Variants in RIOK2 observed in about 807,000 individuals in gnomAD.
RIOK2 encodes RIO kinase 2.
A neutral mutation model predicts 62.4 loss-of-function variants in RIOK2; 46 were observed. The observed-to-expected ratio is 0.74, with a 90% CI of 0.58 to 0.94. RIOK2 has a LOEUF of 0.94. Ranked by LOEUF, RIOK2 falls within the 40% of genes least tolerant of loss-of-function variation. The probability of loss-of-function intolerance (pLI) is 0.00; values close to 1 mark genes in which losing one functional copy is unlikely to be tolerated. For missense variants in RIOK2, 574 were observed against 658.0 expected (o/e 0.87, Z 1.40); for synonymous variants, 197 against 216.0 (o/e 0.91, Z 0.77).
At chr5:97,181,270 CA>C (rs149948595) in intron 1 of RIOK2, among the ~76,000 whole-genome samples, 233 of 90,488 alleles carry the variant, frequency 2.6e-3, no homozygotes, top group East Asian at 5.4e-3. Context: ...GACTCCGTCT[CA>C]AAAAAAAAAA....
intron 1 of RIOK2, 136 bp downstream of exon 1, chr5:97,182,990 T>C (rs750499012): frequency 2.2e-6 from 2 of 927,542 alleles, no homozygotes; most frequent in Non-Finnish European, 3.6e-6. Flanking sequence ...TTCTGAATGC[T>C]CTCTTCTCCA....
intron 5 of RIOK2, among the ~76,000 whole-genome samples, chr5:97,172,055 T>C (rs1749023711): frequency 6.6e-6 from 1 of 152,204 alleles, no homozygotes; most frequent in Admixed American, 6.5e-5. Flanking sequence ...TCACAGATCA[T>C]ACCTTCTTAG....
At chr5:97,167,070 C>T (rs529687314) in intron 8 of RIOK2, 28 of 472,940 alleles carry the variant, frequency 5.9e-5, no homozygotes, top group African/African-American at 4.0e-4. Flanking sequence ...GCACAGGCCA[C>T]CATGCCCGGT....
chr5:97,183,116 G>A lies in RIOK2; in HGVS notation c.66+10C>T, dbSNP rs1235441152. 2 of 1,613,914 alleles carry A rather than the reference G, an allele frequency of 1.2e-6. No homozygotes were observed. The highest frequency in any genetic ancestry group is 1.3e-5 in the African/African-American group (1 of 74,912). On this transcript the variant is annotated intron_variant, in intron 1 of 9. Transcript: ENST00000283109. ...AGGGGAAGGGAGAACAGGAACGGCG[G>A]GTTTCTTACCGCGGTCAAGACCCTG...
chr5:97,180,899 T>A (rs901795843), intron 1 of RIOK2, among the ~76,000 whole-genome samples: 1 of 151,964 alleles, frequency 6.6e-6, no homozygotes, highest in Admixed American at 6.6e-5. Context: ...TTTTTTTTTT[T>A]ATAGAGCTTG....
rs1211174785 is a variant in RIOK2 at position 97,165,167 on chromosome 5, A to C, written c.1398-20T>G. 7 of 1,234,650 alleles carry C rather than the reference A, an allele frequency of 5.7e-6. No individual in the cohort carries two copies. The Admixed American group carries it at 1.9e-4, about 34-fold the overall frequency. The allele number at this position is 1,234,650 out of a possible 1,614,324, so 76.5% of individuals were successfully genotyped here. A position where few individuals can be genotyped will look rare whatever the true frequency, so the allele number is the denominator to read the frequency against. ...TCATCTCTAAAATTAAAAAACCCACAATTTATCTAGTTAATTTGTATAATG... is the reference window on the plus strand; with the variant it reads ...TCATCTCTAAAATTAAAAAACCCACCATTTATCTAGTTAATTTGTATAATG... On this transcript the variant is annotated intron_variant, in intron 8 of 9. Coordinates refer to ENST00000283109, the MANE Select transcript of RIOK2 (RefSeq NM_018343.3).
intron 6 of RIOK2, among the ~76,000 whole-genome samples, chr5:97,170,198 G>GA (rs544188328): frequency 2.7e-5 from 4 of 150,676 alleles, no homozygotes; most frequent in South Asian, 2.1e-4. Context: ...GGAACAGAAA[G>GA]AAAAAAAAAT....
intron 4 of RIOK2, among the ~76,000 whole-genome samples, chr5:97,175,321 C>T (rs1160699394): frequency 1.3e-5 from 2 of 152,122 alleles, no homozygotes; most frequent in African/African-American, 4.8e-5. Context: ...CATACCTAGA[C>T]AGATCAATAG....
At position 97,171,241 on chromosome 5, in the gene RIOK2, T is replaced by C. The variant is rs1325252173; in HGVS notation, c.744A>G (p.Pro248=). The C allele has an allele frequency of 6.3e-7, 1 of 1,591,226 alleles. No homozygotes were observed. The highest frequency in any genetic ancestry group is 1.1e-5 in the South Asian group (1 of 87,210). ...TGGGATGAGAAGTTGAAACCATCTGTGGAAAATCAATCATGGTGATATGGT... is the reference window on the plus strand; with the variant it reads ...TGGGATGAGAAGTTGAAACCATCTGCGGAAAATCAATCATGGTGATATGGT... ...ESDHITMIDF[P]QMVSTSHPNA... Residue 248 remains proline, a synonymous_variant, in exon 6 of 10, where the codon CCA becomes CCG. Transcript: ENST00000283109.
chr5:97,162,938 GATGA>G lies in RIOK2; in HGVS notation c.*119_*122del. 1.2e-6 allele frequency: 1 copy of G among 809,234 alleles called. No individual in the cohort carries two copies. Among genetic ancestry groups the G allele is most frequent in the Non-Finnish European group, 1.9e-6 (1 of 534,324 alleles). 50.1% of individuals were successfully genotyped at this position (809,234 alleles called of 1,614,324 possible). A position where few individuals can be genotyped will look rare whatever the true frequency, so the allele number is the denominator to read the frequency against. ...CACATACTGAATGACCAAATTTATA[GATGA>G]AAGAGGGTTTATTTATTAATATATG... On this transcript the variant is annotated 3_prime_UTR_variant, in exon 10 of 10. Transcript: ENST00000283109.
Position 97,183,194 on chromosome 5 carries a change from C to G in RIOK2, c.-3G>C. The G allele has an allele frequency of 6.2e-7, 1 of 1,614,146 alleles. No homozygotes were observed. The highest frequency in any genetic ancestry group is 8.5e-7 in the Non-Finnish European group (1 of 1,179,976). ...TTGGCCACATTCACTTTCCCCATGG[C>G]GGCCCCAGTCCGAACCCAGATGCCT... On this transcript the variant is annotated 5_prime_UTR_variant, in exon 1 of 10. Transcript: ENST00000283109.
chr5:97,172,762 A>G (rs1462860757), intron 5 of RIOK2, among the ~76,000 whole-genome samples: 1 of 152,116 alleles, frequency 6.6e-6, no homozygotes, highest in Non-Finnish European at 1.5e-5. Flanking sequence ...CCTACATAAA[A>G]CAGTAGTCTC....
intron 2 of RIOK2, among the ~76,000 whole-genome samples, chr5:97,178,569 G>A (rs575582238): frequency 7.0e-5 from 10 of 143,000 alleles, no homozygotes; most frequent in African/African-American, 2.4e-4. Context: ...CAGTACCTAC[G>A]TGCTCTTCTG....
Position 97,161,254 on chromosome 5 carries a change from A to G in RIOK2, c.*1807T>C, listed in dbSNP as rs1580261891. 1 of 152,202 alleles carries G rather than the reference A, an allele frequency of 6.6e-6. No individual in the cohort carries two copies. Among genetic ancestry groups the G allele is most frequent in the East Asian group, 1.9e-4 (1 of 5,202 alleles). The allele number at this position is 152,202 out of a possible 1,614,324, so 9.4% of individuals were successfully genotyped here. A position where few individuals can be genotyped will look rare whatever the true frequency, so the allele number is the denominator to read the frequency against. Reference sequence around the variant, plus strand: ...ATTTAAATCTGGAACTCCTAGGCAAAAAAAAGTGTTTTAACAATCACAATA... The same window carrying G: ...ATTTAAATCTGGAACTCCTAGGCAAGAAAAAGTGTTTTAACAATCACAATA... On this transcript the variant is annotated 3_prime_UTR_variant, in exon 10 of 10. Coordinates refer to ENST00000283109, the MANE Select transcript of RIOK2 (RefSeq NM_018343.3).
rs773549498 is a variant in RIOK2 at position 97,177,743 on chromosome 5, C to T, written c.311G>A (p.Gly104Asp). 17 of 1,599,618 alleles carry T rather than the reference C, an allele frequency of 1.1e-5. No individual in the cohort carries two copies. Among genetic ancestry groups the T allele is most frequent in the Non-Finnish European group, 1.5e-5 (17 of 1,167,406 alleles). Residue 104 changes from glycine (G) to aspartate (D), a missense_variant, in exon 3 of 10, where the codon GGC (glycine) becomes GAC (aspartate). Coordinates refer to ENST00000283109, the MANE Select transcript of RIOK2 (RefSeq NM_018343.3). ...CTATTAGCACTTACCTGATTCTTTG[C>T]CAACACCCATCTGGTTTCCAACAGA... ...VESVGNQMGV[G>D]KESDIYIVAN...
intron 5 of RIOK2, 123 bp from the exon 6 acceptor site, chr5:97,171,520 A>G: frequency 1.9e-6 from 1 of 528,410 alleles, no homozygotes; most frequent in South Asian, 6.3e-5. Flanking sequence ...CTTTCTTCTC[A>G]TTCCCATCAG....
intron 4 of RIOK2, among the ~76,000 whole-genome samples, chr5:97,175,353 G>A (rs1420831986): frequency 6.6e-6 from 1 of 152,186 alleles, no homozygotes; most frequent in Non-Finnish European, 1.5e-5. Flanking sequence ...CTTAAAGATT[G>A]TGAATATTTG....
chr5:97,182,127 A>ATGTACTGCTTTAC (rs6149129), intron 1 of RIOK2, among the ~76,000 whole-genome samples: 152,109 of 152,288 alleles, frequency 1, 75,965 homozygotes, highest in East Asian at 1. Flanking sequence ...TCCTAAATAA[A>ATGTACTGCTTTAC]TGTACAAATG....
intron 6 of RIOK2, among the ~76,000 whole-genome samples, chr5:97,171,002 ATAC>A (rs1748987962): frequency 7.0e-6 from 1 of 142,218 alleles, no homozygotes; most frequent in African/African-American, 2.6e-5. Context: ...AAAAAAAAAA[ATAC>A]AAAAAATTAG....
Sources: gnomAD v4.1 joint callset for allele counts (sites outside exome capture counted in the v4.1 genomes callset) on GRCh38, gnomAD v4.1.1 for gene constraint, MANE v1.5 for transcripts, NCBI Gene and HGNC (gene_info 2026-07-23, HGNC 2026-07-21) for gene names.